The following FOXP2 variants were observed in gnomAD, a reference collection of about 807,000 sequenced individuals.
FOXP2 encodes the protein forkhead box protein P2.
A neutral mutation model predicts 115.8 loss-of-function variants in FOXP2; 12 were observed. The ratio of observed to expected loss-of-function variants is 0.10; its 90% confidence interval spans 0.07 to 0.17. FOXP2 has a LOEUF of 0.17. FOXP2 is among the 10% of genes least tolerant of loss of function. The probability of loss-of-function intolerance (pLI) is 1.00; values close to 1 mark genes in which losing one functional copy is unlikely to be tolerated. For missense variants in FOXP2, 629 were observed against 843.5 expected (o/e 0.75, Z 3.15); for synonymous variants, 328 against 297.7 (o/e 1.10, Z -1.05).
At chr7:114,143,468 A>G (rs1792282674) in intron 1 of FOXP2, among the ~76,000 whole-genome samples, 1 of 151,836 alleles carries the variant, frequency 6.6e-6, no homozygotes, top group Admixed American at 6.6e-5. Flanking sequence ...CCCCACCCCC[A>G]GTCTATTTGG....
chr7:114,223,702 C>T (rs1794679522), intron 1 of FOXP2, among the ~76,000 whole-genome samples: 1 of 150,784 alleles, frequency 6.6e-6, no homozygotes, highest in South Asian at 2.1e-4. Flanking sequence ...CTCAAAACTT[C>T]TGGGCTCAAG....
intron 3 of FOXP2, among the ~76,000 whole-genome samples, chr7:114,555,007 G>A (rs371966423): frequency 2.6e-4 from 39 of 152,186 alleles, no homozygotes; most frequent in African/African-American, 8.2e-4. Context: ...ATCTACATGC[G>A]TGACTAGGGC....
intron 2 of FOXP2, among the ~76,000 whole-genome samples, chr7:114,454,343 G>T (rs1342300400): frequency 2.6e-5 from 4 of 152,106 alleles, no homozygotes; most frequent in East Asian, 1.9e-4. Context: ...CAGTTAGAAT[G>T]GCGATCATTA....
At chr7:114,164,218 C>T (rs1792913512) in intron 1 of FOXP2, among the ~76,000 whole-genome samples, 1 of 152,134 alleles carries the variant, frequency 6.6e-6, no homozygotes, top group Admixed American at 6.6e-5. Context: ...TTAGCACAAA[C>T]TGAATTTAGC....
chr7:114,682,751 C>T (rs1025879883), intron 16 of FOXP2, among the ~76,000 whole-genome samples: 29 of 152,146 alleles, frequency 1.9e-4, no homozygotes, highest in Middle Eastern at 3.4e-3. Flanking sequence ...TCATTGTGTT[C>T]CATTTCTTTT....
Position 114,692,495 on chromosome 7 carries a change from G to A in FOXP2, c.*2569G>A, listed in dbSNP as rs905863648. ...TGCATATTATGTAAAAATGTTGGTGGACCCATAAATGACCAGACTTTTTCT... is the reference window on the plus strand; with the variant it reads ...TGCATATTATGTAAAAATGTTGGTGAACCCATAAATGACCAGACTTTTTCT... On this transcript the variant is annotated 3_prime_UTR_variant, in exon 17 of 17. Coordinates refer to ENST00000350908, the MANE Select transcript of FOXP2 (RefSeq NM_014491.4). 2.2e-6 allele frequency: 1 copy of A among 453,694 alleles called. No homozygotes were observed. Among genetic ancestry groups the A allele is most frequent in the Non-Finnish European group, 4.4e-6 (1 of 226,638 alleles). 28.1% of individuals were successfully genotyped at this position (453,694 alleles called of 1,614,324 possible).
At chr7:114,464,384 C>T (rs973455541) in intron 2 of FOXP2, among the ~76,000 whole-genome samples, 18 of 152,110 alleles carry the variant, frequency 1.2e-4, no homozygotes, top group African/African-American at 4.3e-4. Context: ...CATGAGTTCA[C>T]AGAGAAAAAC....
chr7:114,339,998 T>TA (rs1489817283), intron 2 of FOXP2, among the ~76,000 whole-genome samples: 1 of 151,180 alleles, frequency 6.6e-6, no homozygotes, highest in Non-Finnish European at 1.5e-5. Flanking sequence ...TAAAAATATT[T>TA]AAAAAAGGAG....
chr7:114,680,505 G>A (rs1808027934), intron 16 of FOXP2, among the ~76,000 whole-genome samples: 1 of 152,150 alleles, frequency 6.6e-6, no homozygotes, highest in Non-Finnish European at 1.5e-5. Flanking sequence ...GACCTTCTAT[G>A]GCAAAGGTTT....
chr7:114,566,146 G>T lies in FOXP2; in HGVS notation c.258+31440G>T, dbSNP rs530647478. Among the ~76,000 whole-genome samples the T allele has an allele frequency of 2.6e-5, 4 of 152,248 alleles. No individual in the cohort carries two copies. The East Asian group carries it at 7.7e-4, about 29-fold the overall frequency. ...TCAAATCAGCAAACACAACAAAACA[G>T]TTGGAGGGGCAGAAAGGCAAATCAA... On this transcript the variant is annotated intron_variant, in intron 3 of 16. Coordinates refer to ENST00000350908, the MANE Select transcript of FOXP2 (RefSeq NM_014491.4).
intron 2 of FOXP2, among the ~76,000 whole-genome samples, chr7:114,336,818 A>G (rs1273272455): frequency 6.6e-6 from 1 of 151,514 alleles, no homozygotes; most frequent in East Asian, 1.9e-4. Flanking sequence ...GAATACTGAA[A>G]TAGGAAATTT....
At chr7:114,357,466 C>T (rs774441303) in intron 2 of FOXP2, among the ~76,000 whole-genome samples, 5 of 152,050 alleles carry the variant, frequency 3.3e-5, no homozygotes, top group Admixed American at 1.3e-4. Flanking sequence ...CTTTGTTTAC[C>T]GTATCCATTC....
chr7:114,490,439 C>G (rs1199057588), intron 2 of FOXP2, among the ~76,000 whole-genome samples: 2 of 151,848 alleles, frequency 1.3e-5, no homozygotes, highest in African/African-American at 2.4e-5. Context: ...GTGGAGCACA[C>G]AGAACTTTTA....
intron 16 of FOXP2, among the ~76,000 whole-genome samples, chr7:114,671,531 G>T (rs1807483715): frequency 6.6e-6 from 1 of 152,154 alleles, no homozygotes; most frequent in Admixed American, 6.5e-5. Context: ...ATCTAAAGAA[G>T]GTACTTTGTT....
intron 2 of FOXP2, among the ~76,000 whole-genome samples, chr7:114,385,712 G>C (rs1779443872): frequency 6.6e-6 from 1 of 152,220 alleles, no homozygotes. Context: ...GAATAGAACA[G>C]AATAGCAAGC....
At chr7:114,600,087 A>G (rs1460165492) in intron 3 of FOXP2, among the ~76,000 whole-genome samples, 1 of 152,156 alleles carries the variant, frequency 6.6e-6, no homozygotes, top group Non-Finnish European at 1.5e-5. Context: ...ACAGTTCTAT[A>G]GTTTTTGACA....
chr7:114,291,618 A>G (rs1015363536), intron 2 of FOXP2, among the ~76,000 whole-genome samples: 1 of 151,544 alleles, frequency 6.6e-6, no homozygotes, highest in Admixed American at 6.6e-5. Flanking sequence ...GCCAGGTTGC[A>G]TTTTCATTTA....
At chr7:114,314,838 G>T (rs955453224) in intron 2 of FOXP2, among the ~76,000 whole-genome samples, 33 of 152,190 alleles carry the variant, frequency 2.2e-4, no homozygotes, top group African/African-American at 7.5e-4. Flanking sequence ...GTTTTGTGAG[G>T]CATGGTCTCC....
intron 2 of FOXP2, among the ~76,000 whole-genome samples, chr7:114,367,605 T>C (rs1038950486): frequency 6.6e-6 from 1 of 152,180 alleles, no homozygotes; most frequent in Admixed American, 6.5e-5. Context: ...ATACATTCAG[T>C]ACAACTCTGA....
Sources: gnomAD v4.1 joint callset for allele counts (sites outside exome capture counted in the v4.1 genomes callset) on GRCh38, gnomAD v4.1.1 for gene constraint, MANE v1.5 for transcripts, NCBI Gene and HGNC (gene_info 2026-07-23, HGNC 2026-07-21) for gene names.